The following PCDH7 variants were observed in gnomAD, a reference collection of about 807,000 sequenced individuals.
PCDH7 encodes protocadherin-7.
In PCDH7, 17 loss-of-function variants were observed where a neutral mutation model predicts 58.9. The ratio of observed to expected loss-of-function variants is 0.29; its 90% CI spans 0.20 to 0.43. The LOEUF (loss-of-function observed/expected upper bound fraction) is 0.43, where lower values mean the gene tolerates loss of function less well. Among genes scored for constraint, PCDH7 ranks in the 20% least tolerant of loss-of-function variants. The pLI, the probability that PCDH7 is intolerant of heterozygous loss-of-function variation, is 1.00. For missense variants in PCDH7, 1,274 were observed against 1,441.0 expected, an observed-to-expected ratio of 0.88 and a Z score of 1.88; for synonymous variants, 664 against 616.4, an observed-to-expected ratio of 1.08 and a Z score of -1.14.
chr4:30,744,607 A>C (rs1192721836), intron 1 of PCDH7, among the ~76,000 whole-genome samples: 1 of 152,204 alleles, frequency 6.6e-6, no homozygotes, highest in Admixed American at 6.5e-5. Context: ...ATGTACCCTG[A>C]GGAAGGACTG....
intron 1 of PCDH7, among the ~76,000 whole-genome samples, chr4:30,878,139 C>T (rs1390654131): frequency 6.6e-6 from 1 of 152,118 alleles, no homozygotes; most frequent in Non-Finnish European, 1.5e-5. Flanking sequence ...ATTTCTCTCA[C>T]ACATTAATAG....
intron 3 of PCDH7, among the ~76,000 whole-genome samples, chr4:30,963,296 C>T (rs147032628): frequency 1.0e-3 from 157 of 152,238 alleles, no homozygotes; most frequent in African/African-American, 3.6e-3. Flanking sequence ...GTTCTTCCTA[C>T]CTTTGGTAAG....
At chr4:30,735,773 A>G (rs1459432767), downstream of PCDH7, among the ~76,000 whole-genome samples, 1 of 152,146 alleles carries the variant, frequency 6.6e-6, no homozygotes, top group African/African-American at 2.4e-5. Flanking sequence ...AGCCTGACAA[A>G]AGCAAATGTT....
intron 3 of PCDH7, among the ~76,000 whole-genome samples, chr4:31,020,523 A>AATTGCACT (rs1753943380): frequency 6.6e-6 from 1 of 152,234 alleles, no homozygotes; most frequent in Non-Finnish European, 1.5e-5. Context: ...TAAACTTCGG[A>AATTGCACT]GTCACTGCGG....
chr4:31,044,134 C>T (rs1756102278), intron 3 of PCDH7, among the ~76,000 whole-genome samples: 1 of 151,964 alleles, frequency 6.6e-6, no homozygotes, highest in South Asian at 2.1e-4. Flanking sequence ...AATAGTGGTG[C>T]CTACCATTAA....
At chr4:30,994,816 A>G (rs1751738369) in intron 3 of PCDH7, among the ~76,000 whole-genome samples, 1 of 152,134 alleles carries the variant, frequency 6.6e-6, no homozygotes, top group Non-Finnish European at 1.5e-5. Flanking sequence ...TATCACCCAA[A>G]TTGGCTTTTG....
intron 1 of PCDH7, among the ~76,000 whole-genome samples, chr4:30,886,097 T>G (rs867453193): frequency 0.026 from 3,848 of 148,664 alleles, 160 homozygotes; most frequent in African/African-American, 0.095. Context: ...AAAAGCAATG[T>G]CAACAAAAGC....
chr4:30,832,981 C>T (rs1729993389), intron 1 of PCDH7, among the ~76,000 whole-genome samples: 1 of 152,088 alleles, frequency 6.6e-6, no homozygotes, highest in South Asian at 2.1e-4. Context: ...AGGTGGAAGC[C>T]TGTTTGGAAT....
At chr4:30,957,246 A>G (rs1747956253) in intron 3 of PCDH7, among the ~76,000 whole-genome samples, 3 of 152,196 alleles carry the variant, frequency 2.0e-5, no homozygotes, top group Admixed American at 2.0e-4. Flanking sequence ...TCTAATCAGG[A>G]TAACAGACAT....
rs141818631 is a variant in PCDH7 at position 30,721,931 on chromosome 4, G to T, written c.509G>T (p.Arg170Leu). Residue 170 changes from arginine to leucine, a missense_variant, in exon 1 of 2, where the codon CGC becomes CTC. Coordinates refer to ENST00000361762, the Ensembl canonical transcript of PCDH7. The surrounding 1 kb of genome is among the most constrained non-coding windows in gnomAD (Gnocchi z 6.7). ...TACCTGCTGCCCACAGCCACCGACC[G>T]CGACTTCGGCCGCAACGGCATCGAG... is the stretch of plus-strand genomic sequence containing the variant. 25 of 1,565,248 alleles carry T rather than the reference G, an allele frequency of 1.6e-5. No homozygotes were observed. The highest frequency in any genetic ancestry group is 2.1e-5 in the Non-Finnish European group (24 of 1,160,932).
intron 1 of PCDH7, among the ~76,000 whole-genome samples, chr4:30,889,664 G>A (rs1457696995): frequency 2.6e-5 from 4 of 152,106 alleles, no homozygotes; most frequent in Non-Finnish European, 5.9e-5. Flanking sequence ...TGTCTGTTGA[G>A]GACCTGTTCT....
intron 3 of PCDH7, among the ~76,000 whole-genome samples, chr4:31,052,506 G>A (rs1042297199): frequency 6.6e-5 from 10 of 152,120 alleles, no homozygotes; most frequent in African/African-American, 2.2e-4. Context: ...GTAGTGAAAA[G>A]ATTTAAAATA....
At chr4:30,944,826 A>C (rs1382707308) in intron 2 of PCDH7, among the ~76,000 whole-genome samples, 1 of 152,194 alleles carries the variant, frequency 6.6e-6, no homozygotes, top group Non-Finnish European at 1.5e-5. Flanking sequence ...AATAGTCAAC[A>C]GTTAACTAGG....
intron 1 of PCDH7, among the ~76,000 whole-genome samples, chr4:30,897,146 C>T (rs1227111613): frequency 1.3e-5 from 2 of 151,932 alleles, no homozygotes; most frequent in African/African-American, 4.8e-5. Flanking sequence ...CCTCGTCATC[C>T]TCCCGCCTCG....
chr4:31,035,196 A>G (rs1230547662), intron 3 of PCDH7, among the ~76,000 whole-genome samples: 1 of 150,488 alleles, frequency 6.6e-6, no homozygotes, highest in Non-Finnish European at 1.5e-5. Flanking sequence ...ATGCGGTAGC[A>G]TCAATTCAAT....
chr4:31,098,779 T>C (rs1005207860), intron 3 of PCDH7, among the ~76,000 whole-genome samples: 8 of 152,178 alleles, frequency 5.3e-5, no homozygotes, highest in African/African-American at 1.9e-4. Flanking sequence ...ATCAATTTAC[T>C]AGGGCTGCCA....
At chr4:31,028,770 TGAAAAACATC>T (rs1407551996) in intron 3 of PCDH7, among the ~76,000 whole-genome samples, 1 of 152,110 alleles carries the variant, frequency 6.6e-6, no homozygotes, top group Non-Finnish European at 1.5e-5. Flanking sequence ...ATGCATGAGA[TGAAAAACATC>T]GAAAAACATG....
intron 3 of PCDH7, among the ~76,000 whole-genome samples, chr4:30,995,385 G>A (rs558923351): frequency 5.3e-5 from 8 of 152,078 alleles, no homozygotes; most frequent in South Asian, 4.2e-4. Context: ...GGTGGCGGGC[G>A]CCTGTAGTCC....
At chr4:30,749,129 TAATG>T (rs1718159675) in intron 1 of PCDH7, among the ~76,000 whole-genome samples, 1 of 152,182 alleles carries the variant, frequency 6.6e-6, no homozygotes, top group African/African-American at 2.4e-5. Flanking sequence ...TCTTTGGAGA[TAATG>T]AATCCAAGAT....
Sources: allele counts gnomAD v4.1 joint callset (sites outside exome capture counted in the v4.1 genomes callset), GRCh38; gene constraint gnomAD v4.1.1; non-coding constraint Gnocchi (gnomAD v3.1); transcripts MANE v1.5; gene names NCBI Gene and HGNC (gene_info 2026-07-23, HGNC 2026-07-21).